The following PRKG1 variants were observed in gnomAD, a reference collection of about 807,000 sequenced individuals.
The protein encoded by PRKG1 is cGMP-dependent protein kinase 1.
In PRKG1, 35 loss-of-function variants were observed where a neutral mutation model predicts 88.1. That is an observed-to-expected ratio of 0.40 (90% CI 0.30 to 0.53). The LOEUF (loss-of-function observed/expected upper bound fraction) is 0.53. PRKG1 is among the 20% of genes least tolerant of loss of function. The pLI, the probability that PRKG1 is intolerant of heterozygous loss-of-function variation, is 0.59. For missense variants in PRKG1, 540 were observed against 839.8 expected (o/e 0.64, Z 4.41); for synonymous variants, 303 against 292.5 (o/e 1.04, Z -0.37).
At chr10:51,418,000 T>A (rs1284572958) in intron 2 of PRKG1, among the ~76,000 whole-genome samples, 1 of 152,166 alleles carries the variant, frequency 6.6e-6, no homozygotes, top group African/African-American at 2.4e-5. Context: ...AAGAAAGCAG[T>A]TGTGTTTGCC....
chr10:52,088,949 G>A (rs1033776051), intron 7 of PRKG1, among the ~76,000 whole-genome samples: 1 of 152,144 alleles, frequency 6.6e-6, no homozygotes. Context: ...AACAAAGGGT[G>A]TATGGCACAT....
chr10:51,863,951 G>A (rs1409302044), intron 4 of PRKG1, among the ~76,000 whole-genome samples: 1 of 152,162 alleles, frequency 6.6e-6, no homozygotes, highest in Non-Finnish European at 1.5e-5. Flanking sequence ...ACACAAGGAG[G>A]AGACTCACTT....
At chr10:51,324,224 C>G (rs946026826) in intron 2 of PRKG1, among the ~76,000 whole-genome samples, 1 of 152,034 alleles carries the variant, frequency 6.6e-6, no homozygotes, top group African/African-American at 2.4e-5. Flanking sequence ...TTTTTGTACC[C>G]ATTAACCAAC....
intron 2 of PRKG1, among the ~76,000 whole-genome samples, chr10:51,201,737 G>A (rs1159409780): frequency 6.6e-6 from 1 of 152,102 alleles, no homozygotes; most frequent in African/African-American, 2.4e-5. Context: ...TGCCATGTGA[G>A]GATACAACAG....
intron 5 of PRKG1, among the ~76,000 whole-genome samples, chr10:51,967,521 G>C (rs1449819653): frequency 6.6e-6 from 1 of 151,602 alleles, no homozygotes; most frequent in Non-Finnish European, 1.5e-5. Flanking sequence ...TAACTAACCT[G>C]CATGTTGTGC....
At chr10:51,290,693 C>T (rs1401610575) in intron 2 of PRKG1, among the ~76,000 whole-genome samples, 1 of 152,142 alleles carries the variant, frequency 6.6e-6, no homozygotes, top group East Asian at 1.9e-4. Context: ...CCACCCCACC[C>T]CGGTAAATGT....
intron 2 of PRKG1, among the ~76,000 whole-genome samples, chr10:51,442,842 A>T (rs1839160117): frequency 6.6e-6 from 1 of 152,000 alleles, no homozygotes; most frequent in Non-Finnish European, 1.5e-5. Context: ...GCCTAGAACA[A>T]GTCATTATCT....
chr10:51,947,658 C>G (rs896532649), intron 5 of PRKG1, among the ~76,000 whole-genome samples: 6 of 152,164 alleles, frequency 3.9e-5, no homozygotes, highest in Non-Finnish European at 5.9e-5. Flanking sequence ...GACACTCAAG[C>G]AGGTTCATGG....
At chr10:51,564,855 T>C (rs1275238024) in intron 3 of PRKG1, among the ~76,000 whole-genome samples, 1 of 152,120 alleles carries the variant, frequency 6.6e-6, no homozygotes, top group East Asian at 1.9e-4. Context: ...GAATTGGTTT[T>C]TCCAGGAGTG....
At chr10:51,691,152 G>C (rs1411619770) in intron 3 of PRKG1, among the ~76,000 whole-genome samples, 1 of 150,730 alleles carries the variant, frequency 6.6e-6, no homozygotes, top group African/African-American at 2.4e-5. Flanking sequence ...TAGTTTCCTA[G>C]GACATTCCTT....
intron 5 of PRKG1, among the ~76,000 whole-genome samples, chr10:51,975,868 A>C (rs73339259): frequency 0.095 from 14,398 of 152,038 alleles, 1,823 homozygotes; most frequent in African/African-American, 0.28. Context: ...ATGGGAGAAA[A>C]TATCTGATAA....
chr10:52,016,602 A>G (rs1845046575), intron 5 of PRKG1, among the ~76,000 whole-genome samples: 1 of 152,230 alleles, frequency 6.6e-6, no homozygotes, highest in Non-Finnish European at 1.5e-5. Flanking sequence ...TGCTTTATAA[A>G]GAAAGGTAAT....
intron 2 of PRKG1, among the ~76,000 whole-genome samples, chr10:51,298,171 T>G (rs1378643754): frequency 6.6e-6 from 1 of 152,112 alleles, no homozygotes; most frequent in Non-Finnish European, 1.5e-5. Flanking sequence ...AATTCATGAT[T>G]AGGGATATTA....
At chr10:51,178,942 AAG>A (rs558984141) in intron 2 of PRKG1, among the ~76,000 whole-genome samples, 138 of 152,372 alleles carry the variant, frequency 9.1e-4, no homozygotes, top group African/African-American at 3.2e-3. Flanking sequence ...TAGACTGAAT[AAG>A]AGAGCTTAAT....
At chr10:51,492,026 A>G (rs1255182787) in intron 3 of PRKG1, among the ~76,000 whole-genome samples, 1 of 152,136 alleles carries the variant, frequency 6.6e-6, no homozygotes, top group Non-Finnish European at 1.5e-5. Context: ...GGCTCTGCCA[A>G]TTTCAATTCA....
At chr10:52,068,073 C>G (rs1298876356) in intron 7 of PRKG1, among the ~76,000 whole-genome samples, 2 of 138,836 alleles carry the variant, frequency 1.4e-5, no homozygotes, top group South Asian at 2.6e-4. Context: ...CATGGTGGCG[C>G]GTGCCTGTAG....
intron 7 of PRKG1, among the ~76,000 whole-genome samples, chr10:52,104,371 T>C (rs1214758384): frequency 6.6e-6 from 1 of 152,108 alleles, no homozygotes; most frequent in Non-Finnish European, 1.5e-5. Context: ...TGTGGCCTTA[T>C]TTCTATACAA....
intron 9 of PRKG1, among the ~76,000 whole-genome samples, chr10:52,163,587 T>G (rs1016694227): frequency 6.6e-6 from 1 of 152,116 alleles, no homozygotes; most frequent in African/African-American, 2.4e-5. Flanking sequence ...TGAATGTTTT[T>G]GTAGAACTCC....
At chr10:52,252,242 C>G (rs1259106591) in intron 10 of PRKG1, 1 of 151,976 alleles carries the variant, frequency 6.6e-6, no homozygotes, top group African/African-American at 2.4e-5. Flanking sequence ...TCTATATATT[C>G]ATGAAGATGA....
Sources: allele counts gnomAD v4.1 joint callset (sites outside exome capture counted in the v4.1 genomes callset), GRCh38; gene constraint gnomAD v4.1.1; transcripts MANE v1.5; gene names NCBI Gene and HGNC (gene_info 2026-07-23, HGNC 2026-07-21).